The following COL6A5 variants were observed in gnomAD, a reference collection of about 807,000 sequenced individuals.
COL6A5 encodes collagen alpha-5(VI) chain.
In COL6A5, 48 loss-of-function variants were observed where a neutral mutation model predicts 65.6. The observed-to-expected ratio is 0.73, with a 90% CI of 0.58 to 0.93. COL6A5 has a LOEUF of 0.93. Ranked by LOEUF, COL6A5 falls within the 40% of genes least tolerant of loss-of-function variation. COL6A5 has a pLI of 0.00. For synonymous variants in COL6A5, 291 were observed against 322.8 expected (o/e 0.90, Z 1.05); for missense variants, 914 against 928.3 (o/e 0.98, Z 0.20).
At chr3:130,397,721 G>C (rs1222348170) in exon 9 of COL6A5, 1 of 1,551,594 alleles carries the variant, frequency 6.4e-7, no homozygotes, top group African/African-American at 1.4e-5. Flanking sequence ...GGGGTGAGCT[G>C]TGGGGCTGGC....
intron 2 of COL6A5, among the ~76,000 whole-genome samples, chr3:130,375,122 T>A (rs922368094): frequency 6.6e-6 from 1 of 152,184 alleles, no homozygotes; most frequent in African/African-American, 2.4e-5. Context: ...GGCACCTCCC[T>A]TACCAGACTC....
exon 7 of COL6A5, chr3:130,391,214 G>C (rs1222352872): frequency 6.4e-7 from 1 of 1,551,492 alleles, no homozygotes; most frequent in South Asian, 1.2e-5. Flanking sequence ...CGTTGTGTTT[G>C]TGCTGGATCA....
At chr3:130,420,393 A>G (rs1937490908) in intron 25 of COL6A5, among the ~76,000 whole-genome samples, 1 of 152,132 alleles carries the variant, frequency 6.6e-6, no homozygotes, top group South Asian at 2.1e-4. Context: ...ATTCTACTAA[A>G]TGCATATAAC....
intron 7 of COL6A5, among the ~76,000 whole-genome samples, chr3:130,476,501 A>ATACATTAGAATAC (rs1710101320): frequency 6.6e-6 from 1 of 152,020 alleles, no homozygotes; most frequent in Admixed American, 6.6e-5. Context: ...TCACCTAGTT[A>ATACATTAGAATAC]TTTTTTTGAA....
At chr3:130,445,238 A>G (rs4688765) in intron 4 of COL6A5, among the ~76,000 whole-genome samples, 124,650 of 152,206 alleles carry the variant, frequency 0.82, 53,082 homozygotes, top group Non-Finnish European at 0.93. Flanking sequence ...TTTAGAATTC[A>G]CTGTAACACT....
intron 5 of COL6A5, among the ~76,000 whole-genome samples, chr3:130,461,131 G>A (rs1367076587): frequency 6.6e-6 from 1 of 151,988 alleles, no homozygotes; most frequent in East Asian, 1.9e-4. Context: ...GGAAATCAGG[G>A]AGATTTAAAA....
intron 3 of COL6A5, among the ~76,000 whole-genome samples, chr3:130,442,589 C>A (rs1181015500): frequency 6.6e-6 from 1 of 152,150 alleles, no homozygotes; most frequent in Non-Finnish European, 1.5e-5. Context: ...AGTGAAAAGG[C>A]TCCTCTGCTG....
intron 5 of COL6A5, among the ~76,000 whole-genome samples, chr3:130,456,007 G>T (rs1208666436): frequency 1.3e-5 from 2 of 151,992 alleles, no homozygotes; most frequent in South Asian, 4.1e-4. Flanking sequence ...TTTTTTTTGG[G>T]GGGAGGAATG....
intron 5 of COL6A5, among the ~76,000 whole-genome samples, chr3:130,461,699 T>C (rs1709704732): frequency 6.6e-6 from 1 of 152,012 alleles, no homozygotes; most frequent in Admixed American, 6.6e-5. Context: ...AATCATGTAA[T>C]CATTTGGGAG....
intron 5 of COL6A5, 114 bp from the exon 6 acceptor site, chr3:130,388,466 G>C (rs1326649521): frequency 2.3e-6 from 2 of 870,418 alleles, no homozygotes; most frequent in Non-Finnish European, 3.4e-6. Context: ...AACAACAGTT[G>C]CCTGAGTTAA....
intron 29 of COL6A5, among the ~76,000 whole-genome samples, chr3:130,424,307 A>G (rs1937565520): frequency 6.6e-6 from 1 of 152,104 alleles, no homozygotes; most frequent in Non-Finnish European, 1.5e-5. Flanking sequence ...CTCAAAATTT[A>G]GACTTCAGAG....
intron 5 of COL6A5, among the ~76,000 whole-genome samples, chr3:130,461,426 A>G (rs528738931): frequency 6.6e-6 from 1 of 152,116 alleles, no homozygotes; most frequent in South Asian, 2.1e-4. Flanking sequence ...CACTTTATAG[A>G]CATTATTTTA....
rs61258830 is a variant in COL6A5 at position 130,365,269 on chromosome 3, A to ATGTTTTGTTTTGTTT, written c.-28-8329_-28-8315dup. Among the ~76,000 whole-genome samples the ATGTTTTGTTTTGTTT allele has an allele frequency of 8.8e-3, 1,343 of 152,028 alleles. 10 individuals are homozygous for ATGTTTTGTTTTGTTT. The highest frequency in any genetic ancestry group is 0.055 in the South Asian group (265 of 4,786). ...AAAATCAACAGATGTCTCCTTTAAG[A>ATGTTTTGTTTTGTTT]TGTTTTGTTTTGTTTTGTTTTGTTT... On this transcript the variant is annotated intron_variant and NMD_transcript_variant, in intron 1 of 41. Transcript: ENST00000312481.
chr3:130,471,777 A>G (rs1559920772), intron 7 of COL6A5: 1 of 1,535,088 alleles, frequency 6.5e-7, no homozygotes, highest in East Asian at 2.4e-5. Flanking sequence ...TTAGGGAACA[A>G]TCATAGTAGT....
chr3:130,453,716 G>T (rs572764646), intron 4 of COL6A5, among the ~76,000 whole-genome samples: 87 of 152,010 alleles, frequency 5.7e-4, no homozygotes, highest in Non-Finnish European at 1.0e-3. Context: ...TTAGATCCCT[G>T]ACTATAGCCT....
intron 1 of COL6A5, among the ~76,000 whole-genome samples, chr3:130,436,446 C>G (rs1465473113): frequency 6.6e-6 from 1 of 151,860 alleles, no homozygotes; most frequent in Non-Finnish European, 1.5e-5. Flanking sequence ...TAGCAATCTC[C>G]TAGGGAAAAA....
In COL6A5 at chr3:130,464,144, T is replaced by C. The variant is rs1422646544; in HGVS notation, c.1545-4651T>C. Among the ~76,000 whole-genome samples the C allele has an allele frequency of 6.6e-5, 10 of 152,196 alleles. No homozygotes were observed. In the East Asian group the frequency reaches 1.9e-3, roughly 29 times the overall value. On this transcript the variant is annotated intron_variant, in intron 5 of 7. Coordinates refer to ENST00000512836, the Ensembl canonical transcript of COL6A5. ...ATGAAATTCTTTTTCTTTTTCATTC[T>C]TTTTAGAGATAGGATTTTGCTCTGT...
chr3:130,384,812 G>A, exon 5 of COL6A5: 1 of 1,542,126 alleles, frequency 6.5e-7, no homozygotes, highest in East Asian at 2.4e-5. Context: ...AGGCTGTGTG[G>A]ATACAAAAGA....
At chr3:130,375,462 T>C (rs1935728995) in intron 2 of COL6A5, among the ~76,000 whole-genome samples, 1 of 152,106 alleles carries the variant, frequency 6.6e-6, no homozygotes, top group Non-Finnish European at 1.5e-5. Flanking sequence ...TGTCCTATCC[T>C]GTTTCTCTTA....
Sources: allele counts gnomAD v4.1 joint callset (sites outside exome capture counted in the v4.1 genomes callset), GRCh38; gene constraint gnomAD v4.1.1; transcripts MANE v1.5; gene names NCBI Gene and HGNC (gene_info 2026-07-23, HGNC 2026-07-21).